The following SLC1A3 variants were observed in gnomAD, a reference collection of about 807,000 sequenced individuals.
SLC1A3 encodes excitatory amino acid transporter 1.
SLC1A3 carries 21 observed loss-of-function variants against 48.1 expected under a neutral mutation model. The ratio of observed to expected loss-of-function variants is 0.44; its 90% CI spans 0.31 to 0.63. The LOEUF is 0.63. SLC1A3 is among the 20% of genes least tolerant of loss of function. The pLI, the probability that SLC1A3 is intolerant of heterozygous loss-of-function variation, is 0.08. For synonymous variants in SLC1A3, 239 were observed against 251.4 expected (o/e 0.95, Z 0.47); for missense variants, 546 against 689.0 (o/e 0.79, Z 2.32).
In SLC1A3 at chr5:36,676,942, C is replaced by T. The variant is rs771356548; in HGVS notation, c.618C>T (p.Asn206=). Residue 206 remains asparagine, a synonymous_variant, in exon 6 of 10, where the codon AAC becomes AAT. Transcript: ENST00000265113. The part of the protein sequence containing the change: ...KRSFKVPIQA[N]ETLVGAVINN... The stretch of plus-strand genomic sequence containing the variant: ...GCTTTAAAGTGCCCATCCAGGCCAA[C>T]GAAACGCTTGTGGGTGCTGTGATAA... The T allele has an allele frequency of 1.7e-5, 27 of 1,613,798 alleles. 1 individual carries two copies. Among genetic ancestry groups the T allele is most frequent in the South Asian group, 1.4e-4 (13 of 91,066 alleles).
At chr5:36,652,123 T>C (rs766061639) in intron 3 of SLC1A3, among the ~76,000 whole-genome samples, 7 of 152,152 alleles carry the variant, frequency 4.6e-5, no homozygotes, top group Non-Finnish European at 8.8e-5. Flanking sequence ...CAGCTAATAT[T>C]TGGTGGAATG....
At position 36,608,501 on chromosome 5, in the gene SLC1A3, A is replaced by T. The variant is rs1323111267; in HGVS notation, c.78A>T (p.Thr26=). The change falls in exon 2 of 10, where the codon ACA becomes ACT. Residue 26 remains threonine (T), a synonymous_variant. Transcript: ENST00000265113. ...TCCAGCAGGGAGTCCGTAAACGCACACTTTTGGCCAAGAAGAAAGTGCAGA... is the reference window on the plus strand; with the variant it reads ...TCCAGCAGGGAGTCCGTAAACGCACTCTTTTGGCCAAGAAGAAAGTGCAGA... The part of the protein sequence containing the change: ...ERFQQGVRKR[T]LLAKKKVQNI... 6.2e-7 allele frequency: 1 copy of T among 1,613,936 alleles called. No individual in the cohort carries two copies. The highest frequency in any genetic ancestry group is 1.1e-5 in the South Asian group (1 of 91,084).
chr5:36,669,902 C>T (rs898059731), intron 3 of SLC1A3: 1 of 150,824 alleles, frequency 6.6e-6, no homozygotes, highest in African/African-American at 2.4e-5. Context: ...TGATACTCGT[C>T]ATTGAAATAC....
intron 2 of SLC1A3, among the ~76,000 whole-genome samples, chr5:36,620,392 A>G (rs986929747): frequency 2.0e-5 from 3 of 152,220 alleles, no homozygotes; most frequent in Non-Finnish European, 4.4e-5. Context: ...GCCTATGAGA[A>G]ATCATAATTC....
chr5:36,687,786 A>G lies in SLC1A3; in HGVS notation c.*1517A>G, dbSNP rs1742716208. The G allele has an allele frequency of 6.6e-6, 1 of 152,670 alleles. No homozygotes were observed. Among genetic ancestry groups the G allele is most frequent in the Non-Finnish European group, 1.5e-5 (1 of 68,042 alleles). The allele number at this position is 152,670 out of a possible 1,614,324, so 9.5% of individuals were successfully genotyped here. ...GTTATGAGAAAAAAACAGCAGGGGCATTAGTTTCAGGCAAGGCAGCTCCCA... is the reference window on the plus strand; with the variant it reads ...GTTATGAGAAAAAAACAGCAGGGGCGTTAGTTTCAGGCAAGGCAGCTCCCA... On this transcript the variant is annotated 3_prime_UTR_variant, in exon 10 of 10. Coordinates refer to ENST00000265113, the MANE Select transcript of SLC1A3 (RefSeq NM_004172.5).
At chr5:36,674,505 T>G (rs1218803714) in intron 5 of SLC1A3, among the ~76,000 whole-genome samples, 3 of 29,030 alleles carry the variant, frequency 1.0e-4, no homozygotes, top group Non-Finnish European at 1.7e-4. Context: ...AATGGACTGT[T>G]TTTTTTTTTC....
At chr5:36,684,885 T>G (rs192483232) in intron 9 of SLC1A3, among the ~76,000 whole-genome samples, 1 of 152,250 alleles carries the variant, frequency 6.6e-6, no homozygotes, top group Non-Finnish European at 1.5e-5. Flanking sequence ...GCCCGTGTCC[T>G]CTACCTCCTA....
At chr5:36,665,650 G>A (rs1580014118) in intron 3 of SLC1A3, among the ~76,000 whole-genome samples, 1 of 152,130 alleles carries the variant, frequency 6.6e-6, no homozygotes, top group East Asian at 1.9e-4. Context: ...CTTTCTATAT[G>A]GAAGCCCCTT....
chr5:36,656,759 A>G (rs947600522), intron 3 of SLC1A3, among the ~76,000 whole-genome samples: 1 of 152,238 alleles, frequency 6.6e-6, no homozygotes, highest in African/African-American at 2.4e-5. Flanking sequence ...TTTGTCATTC[A>G]TCATTCATTC....
intron 3 of SLC1A3, among the ~76,000 whole-genome samples, chr5:36,638,047 T>C (rs1203515701): frequency 3.9e-5 from 6 of 152,198 alleles, no homozygotes; most frequent in African/African-American, 1.4e-4. Context: ...GTTACTACTT[T>C]AGTTGATACC....
At chr5:36,602,628 C>T (rs140182667), upstream of SLC1A3, among the ~76,000 whole-genome samples, 122 of 152,248 alleles carry the variant, frequency 8.0e-4, no homozygotes, top group Middle Eastern at 3.4e-3. Flanking sequence ...ATGGAGAAAA[C>T]ATGTTGTTTT....
At chr5:36,662,794 G>A (rs1313310509) in intron 3 of SLC1A3, among the ~76,000 whole-genome samples, 1 of 152,244 alleles carries the variant, frequency 6.6e-6, no homozygotes, top group Non-Finnish European at 1.5e-5. Flanking sequence ...ATACTGGGAA[G>A]ATCGCGGGAC....
chr5:36,657,915 T>C (rs1300712055), intron 3 of SLC1A3, among the ~76,000 whole-genome samples: 1 of 152,226 alleles, frequency 6.6e-6, no homozygotes, highest in African/African-American at 2.4e-5. Context: ...AATAATTTGT[T>C]TGGTTCTGAG....
chr5:36,602,057 G>A (rs571777170), upstream of SLC1A3, among the ~76,000 whole-genome samples: 12 of 152,258 alleles, frequency 7.9e-5, no homozygotes, highest in South Asian at 2.5e-3. Context: ...AACCCAGGGG[G>A]CCTTGGGAGC....
At chr5:36,643,604 C>T (rs1197584107) in intron 3 of SLC1A3, among the ~76,000 whole-genome samples, 1 of 152,064 alleles carries the variant, frequency 6.6e-6, no homozygotes, top group Non-Finnish European at 1.5e-5. Flanking sequence ...GATTACTGTA[C>T]CACTTGTCAT....
At chr5:36,611,280 T>TAAAAAAAAAA (rs11336594) in intron 2 of SLC1A3, among the ~76,000 whole-genome samples, 1 of 132,512 alleles carries the variant, frequency 7.5e-6, no homozygotes, top group Non-Finnish European at 1.6e-5. Context: ...TTGCTTTTAG[T>TAAAAAAAAAA]AAAAAAAAAA....
chr5:36,643,375 C>T (rs1740697836), intron 3 of SLC1A3, among the ~76,000 whole-genome samples: 1 of 152,132 alleles, frequency 6.6e-6, no homozygotes, highest in African/African-American at 2.4e-5. Flanking sequence ...GTATTAAATG[C>T]TGTCTCACTG....
chr5:36,680,334 C>T (rs776722363), intron 7 of SLC1A3, 61 bp from the exon 8 acceptor site: 32 of 1,412,482 alleles, frequency 2.3e-5, no homozygotes, highest in Admixed American at 3.4e-5. Flanking sequence ...AAAGACCAAA[C>T]GCACAGACAG....
At position 36,640,872 on chromosome 5, in the gene SLC1A3, T is replaced by C. The variant is rs1026745956; in HGVS notation, c.319+11285T>C. Among the ~76,000 whole-genome samples, 15 of 152,168 alleles carry C rather than the reference T, an allele frequency of 9.9e-5. 1 individual carries two copies. Among genetic ancestry groups the C allele is most frequent in the African/African-American group, 3.4e-4 (14 of 41,530 alleles). On this transcript the variant is annotated intron_variant, in intron 3 of 9. Coordinates refer to ENST00000265113, the MANE Select transcript of SLC1A3 (RefSeq NM_004172.5). The stretch of plus-strand genomic sequence containing the variant: ...CCCACCTACACCCACCACTTGATCA[T>C]TTTATAGCAGATATTTTATTACATT...
Sources: gnomAD v4.1 joint callset for allele counts (sites outside exome capture counted in the v4.1 genomes callset) on GRCh38, gnomAD v4.1.1 for gene constraint, MANE v1.5 for transcripts, NCBI Gene and HGNC (gene_info 2026-07-23, HGNC 2026-07-21) for gene names.